IGF1R: variants seen among roughly 807,000 people sequenced by gnomAD.
IGF1R encodes insulin-like growth factor 1 receptor.
Under a neutral mutation model 144.6 loss-of-function variants are expected in IGF1R, and 44 were observed. The ratio of observed to expected loss-of-function variants is 0.30; its 90% CI spans 0.24 to 0.39. IGF1R has a LOEUF of 0.39. Ranked by LOEUF, IGF1R falls within the 10% of genes least tolerant of loss-of-function variation. The pLI is 1.00. For synonymous variants in IGF1R, 795 were observed against 722.8 expected (o/e 1.10, Z -1.60); for missense variants, 1,355 against 1,833.7 (o/e 0.74, Z 4.77).
At chr15:98,860,651 G>A (rs1366430766) in intron 2 of IGF1R, among the ~76,000 whole-genome samples, 1 of 152,174 alleles carries the variant, frequency 6.6e-6, no homozygotes, top group Non-Finnish European at 1.5e-5. Flanking sequence ...ATACCCTCAA[G>A]GCTGAGTGGG....
At chr15:98,669,145 G>C (rs1287568883) in intron 1 of IGF1R, among the ~76,000 whole-genome samples, 3 of 152,204 alleles carry the variant, frequency 2.0e-5, no homozygotes, top group African/African-American at 7.2e-5. Flanking sequence ...TTTAGAGACA[G>C]ATGAGACAGG....
At chr15:98,840,176 T>A (rs1262051165) in intron 2 of IGF1R, among the ~76,000 whole-genome samples, 2 of 152,196 alleles carry the variant, frequency 1.3e-5, no homozygotes, top group Non-Finnish European at 2.9e-5. Context: ...TGTCACGGAC[T>A]CTCTCCCCTC....
chr15:98,874,743 A>G (rs369946801), intron 2 of IGF1R, among the ~76,000 whole-genome samples: 20 of 152,348 alleles, frequency 1.3e-4, no homozygotes, highest in African/African-American at 4.8e-4. Flanking sequence ...TCTAATTTCA[A>G]AGATGCTCCC....
intron 2 of IGF1R, among the ~76,000 whole-genome samples, chr15:98,874,110 G>A (rs45564339): frequency 0.014 from 2,164 of 152,246 alleles, 22 homozygotes; most frequent in Non-Finnish European, 0.023. Context: ...TGGACAGGGC[G>A]GGCAGGAGGA....
intron 2 of IGF1R, among the ~76,000 whole-genome samples, chr15:98,877,906 T>A (rs376179651): frequency 6.6e-6 from 1 of 152,266 alleles, no homozygotes; most frequent in South Asian, 2.1e-4. Flanking sequence ...GTCTTCAGTT[T>A]AGTCGTTTAA....
intron 1 of IGF1R, among the ~76,000 whole-genome samples, chr15:98,702,033 GT>G (rs35793845): frequency 1.7e-4 from 18 of 108,702 alleles, no homozygotes; most frequent in African/African-American, 5.4e-4. Flanking sequence ...GAGTCACGCT[GT>G]TTTTTTTTTT....
chr15:98,949,852 A>G (rs775541267), intron 20 of IGF1R, among the ~76,000 whole-genome samples: 2 of 152,054 alleles, frequency 1.3e-5, no homozygotes, highest in African/African-American at 2.4e-5. Context: ...TTTGTGGCTC[A>G]GTGGAGGTCA....
chr15:98,955,901 AG>A (rs1567222125), intron 20 of IGF1R, among the ~76,000 whole-genome samples: 16 of 152,390 alleles, frequency 1.0e-4, no homozygotes, highest in Middle Eastern at 3.4e-3. Flanking sequence ...CTCTTTAGCC[AG>A]AATTTTAAAA....
At chr15:98,666,008 A>C (rs964448603) in intron 1 of IGF1R, among the ~76,000 whole-genome samples, 7 of 152,246 alleles carry the variant, frequency 4.6e-5, no homozygotes, top group African/African-American at 1.7e-4. Context: ...TAACAATGCT[A>C]GTAGGTAAGG....
chr15:98,929,346 C>T (rs2015850596), intron 13 of IGF1R, among the ~76,000 whole-genome samples: 1 of 152,124 alleles, frequency 6.6e-6, no homozygotes, highest in Admixed American at 6.5e-5. Flanking sequence ...GAGTATATGC[C>T]TCAGTCTGCA....
At chr15:98,727,668 C>T (rs2054393183) in intron 2 of IGF1R, among the ~76,000 whole-genome samples, 1 of 152,184 alleles carries the variant, frequency 6.6e-6, no homozygotes, top group African/African-American at 2.4e-5. Flanking sequence ...TACCCAGGGG[C>T]TGGAGGGCAG....
intron 1 of IGF1R, 101 bp downstream of exon 1, chr15:98,649,776 G>A: frequency 1.1e-6 from 1 of 893,522 alleles, no homozygotes; most frequent in Non-Finnish European, 1.8e-6. Flanking sequence ...CAGCTGTCGG[G>A]CCCCCGGGCT....
Position 98,940,662 on chromosome 15 carries a change from C to G in IGF1R, c.3457+1302C>G, listed in dbSNP as rs1017221579. Among the ~76,000 whole-genome samples the G allele has an allele frequency of 3.3e-5, 5 of 152,338 alleles. No homozygotes were observed. In the South Asian group the frequency reaches 8.3e-4, roughly 25 times the overall value. ...TCAGGTGATCCACGCACCTCGGCCT[C>G]CCAAAGTGCTGAGATTACAGGCGTG... is the stretch of plus-strand genomic sequence containing the variant. On this transcript the variant is annotated intron_variant, in intron 18 of 20. Transcript: ENST00000650285.
chr15:98,964,010 A>C lies in IGF1R; in HGVS notation c.*6568A>C, dbSNP rs144178122. The stretch of plus-strand genomic sequence containing the variant: ...TTCATTTGGATGTTTGGCGTTGCAC[A>C]CACACATCCACCGGTGGAAGAGACG... On this transcript the variant is annotated 3_prime_UTR_variant, in exon 21 of 21. Coordinates refer to ENST00000650285, the MANE Select transcript of IGF1R (RefSeq NM_000875.5). 1,381 of 233,186 alleles carry C rather than the reference A, an allele frequency of 5.9e-3. 18 individuals carry two copies. Among genetic ancestry groups the C allele is most frequent in the African/African-American group, 0.028 (1,257 of 45,420 alleles). 14.4% of individuals were successfully genotyped at this position (233,186 alleles called of 1,614,324 possible).
intron 10 of IGF1R, among the ~76,000 whole-genome samples, chr15:98,919,227 C>T (rs925006880): frequency 6.6e-6 from 1 of 152,222 alleles, no homozygotes; most frequent in African/African-American, 2.4e-5. Flanking sequence ...TCCTCCATTG[C>T]GTTGCTTCTC....
rs2013935044 is a variant in IGF1R at position 98,891,754 on chromosome 15, A to AG, written c.953+119dup. 1.0e-6 allele frequency: 1 copy of AG among 990,368 alleles called. No individual in the cohort carries two copies. Among genetic ancestry groups the AG allele is most frequent in the African/African-American group, 1.6e-5 (1 of 62,636 alleles). 61.3% of individuals were successfully genotyped at this position (990,368 alleles called of 1,614,324 possible). A position where few individuals can be genotyped will look rare whatever the true frequency, so the allele number is the denominator to read the frequency against. On this transcript the variant is annotated intron_variant, in intron 3 of 20. Coordinates refer to ENST00000650285, the MANE Select transcript of IGF1R (RefSeq NM_000875.5). This position sits in a 1 kb window ranked among gnomAD's most constrained non-coding sequence, Gnocchi z 4.7. ...GGTGCAGCCCTCAGGAAGTTCACTGAGGTGGGTCATTTTGAGAGGGCTGGC... is the reference window on the plus strand; with the variant it reads ...GGTGCAGCCCTCAGGAAGTTCACTGAGGGTGGGTCATTTTGAGAGGGCTGGC...
chr15:98,815,097 A>G (rs144942886), intron 2 of IGF1R, among the ~76,000 whole-genome samples: 228 of 152,372 alleles, frequency 1.5e-3, no homozygotes, highest in African/African-American at 5.1e-3. Flanking sequence ...AAGAAGATAC[A>G]TGACATAAAA....
intron 1 of IGF1R, among the ~76,000 whole-genome samples, chr15:98,670,804 A>G (rs369247786): frequency 4.0e-4 from 61 of 151,926 alleles, no homozygotes; most frequent in African/African-American, 1.4e-3. Flanking sequence ...ATTTTCTTCT[A>G]TTTTTTTTCT....
chr15:98,876,634 G>A (rs115016171), intron 2 of IGF1R, among the ~76,000 whole-genome samples: 179 of 152,308 alleles, frequency 1.2e-3, no homozygotes, highest in African/African-American at 3.8e-3. Flanking sequence ...TAATCTTTGC[G>A]AGAACATTCC....
Sources: allele counts gnomAD v4.1 joint callset (sites outside exome capture counted in the v4.1 genomes callset), GRCh38; gene constraint gnomAD v4.1.1; non-coding constraint Gnocchi (gnomAD v3.1); transcripts MANE v1.5; gene names NCBI Gene and HGNC (gene_info 2026-07-23, HGNC 2026-07-21).